Variants in CNGA1 observed in about 807,000 individuals in gnomAD.
CNGA1 encodes the protein cyclic nucleotide gated channel subunit alpha 1, also known as cyclic nucleotide-gated channel alpha-1.
In CNGA1, 53 loss-of-function variants were observed where a neutral mutation model predicts 69.7. The ratio of observed to expected loss-of-function variants is 0.76; its 90% CI spans 0.61 to 0.96. The LOEUF (loss-of-function observed/expected upper bound fraction) is 0.96, where lower values mean the gene tolerates loss of function less well. Ranked by LOEUF, CNGA1 falls within the 40% of genes least tolerant of loss-of-function variation. The probability of loss-of-function intolerance (pLI) is 0.00; values close to 1 mark genes in which losing one functional copy is unlikely to be tolerated. For synonymous variants in CNGA1, 249 were observed against 283.5 expected (o/e 0.88, Z 1.22); for missense variants, 739 against 811.2 (o/e 0.91, Z 1.08).
At chr4:47,984,646 AAAT>A (rs1352263212) in intron 2 of CNGA1, among the ~76,000 whole-genome samples, 9 of 59,420 alleles carry the variant, frequency 1.5e-4, no homozygotes, top group African/African-American at 3.8e-4. Context: ...CAAATAAAAA[AAAT>A]ATATATATAT....
chr4:47,994,117 G>A (rs753111209), intron 2 of CNGA1, among the ~76,000 whole-genome samples: 1 of 152,132 alleles, frequency 6.6e-6, no homozygotes, highest in East Asian at 1.9e-4. Context: ...CTTGGAGAAA[G>A]TTCCATGCAC....
intron 1 of CNGA1, among the ~76,000 whole-genome samples, chr4:48,011,342 G>A (rs1441085763): frequency 3.4e-5 from 5 of 148,698 alleles, no homozygotes; most frequent in Admixed American, 3.3e-4. Context: ...TCCTGGGAGA[G>A]AAAAAAAACA....
intron 3 of CNGA1, among the ~76,000 whole-genome samples, chr4:47,970,650 T>TAA (rs35223454): frequency 0.52 from 73,860 of 140,966 alleles, 20,705 homozygotes; most frequent in Non-Finnish European, 0.64. Context: ...AAAACTCCAT[T>TAA]AAAAAAAAAA....
chr4:47,989,591 C>T (rs1032686534), intron 2 of CNGA1, among the ~76,000 whole-genome samples: 1 of 151,980 alleles, frequency 6.6e-6, no homozygotes, highest in Non-Finnish European at 1.5e-5. Flanking sequence ...TTTGGTCAGT[C>T]TTAAAGATCT....
At chr4:47,977,271 C>T (rs1456329584) in intron 3 of CNGA1, among the ~76,000 whole-genome samples, 3 of 152,060 alleles carry the variant, frequency 2.0e-5, no homozygotes, top group Non-Finnish European at 4.4e-5. Flanking sequence ...GAAACGTGGA[C>T]ATACAAAGAG....
intron 10 of CNGA1, among the ~76,000 whole-genome samples, chr4:47,938,198 A>G (rs536342549): frequency 6.6e-6 from 1 of 151,732 alleles, no homozygotes; most frequent in Non-Finnish European, 1.5e-5. Context: ...AAAAAAAAAG[A>G]AAAAAAGAAA....
In CNGA1 at chr4:47,975,237, C is replaced by A. The variant is rs545295741; in HGVS notation, c.-15+6156G>T. Among the ~76,000 whole-genome samples, 50 of 152,258 alleles carry A rather than the reference C, an allele frequency of 3.3e-4. No individual in the cohort carries two copies. In the South Asian group the frequency reaches 0.01, roughly 32 times the overall value. ...AGGCTCATAAGCCAGCTGTAATTCT[C>A]ATGAAAAACTAAAACAGAGCTGACA... On this transcript the variant is annotated intron_variant, in intron 3 of 10. Coordinates refer to ENST00000514170, the MANE Select transcript of CNGA1 (RefSeq NM_001379270.1).
At chr4:48,011,876 G>T (rs998122780) in intron 1 of CNGA1, among the ~76,000 whole-genome samples, 1 of 152,166 alleles carries the variant, frequency 6.6e-6, no homozygotes, top group Admixed American at 6.5e-5. Flanking sequence ...GGAGACCAAA[G>T]TTCTTTTGAA....
At chr4:47,995,443 G>T (rs1578121626) in intron 2 of CNGA1, among the ~76,000 whole-genome samples, 1 of 152,072 alleles carries the variant, frequency 6.6e-6, no homozygotes, top group African/African-American at 2.4e-5. Context: ...ATGTTGCTGA[G>T]ATTTTCCAGA....
chr4:47,967,193 C>G (rs1227869329), intron 3 of CNGA1, among the ~76,000 whole-genome samples: 1 of 152,114 alleles, frequency 6.6e-6, no homozygotes, highest in African/African-American at 2.4e-5. Flanking sequence ...ATCCCAGCTA[C>G]TTGGAAAGCT....
chr4:47,953,090 T>G (rs962832651), intron 3 of CNGA1, among the ~76,000 whole-genome samples: 1 of 152,210 alleles, frequency 6.6e-6, no homozygotes, highest in East Asian at 1.9e-4. Context: ...ATAGGGATTA[T>G]GGGAGCCGCA....
chr4:48,014,889 T>A (rs1715309268), intron 1 of CNGA1, among the ~76,000 whole-genome samples: 1 of 152,200 alleles, frequency 6.6e-6, no homozygotes. Context: ...GTCTAAGTTT[T>A]GGGCCGGGCT....
At chr4:47,973,695 GGGA>G (rs1560299473) in intron 3 of CNGA1, among the ~76,000 whole-genome samples, 1 of 150,998 alleles carries the variant, frequency 6.6e-6, no homozygotes, top group Non-Finnish European at 1.5e-5. Context: ...AGTTAACTTC[GGGA>G]TGTGTAAAAA....
chr4:47,953,783 C>T (rs934171696), intron 3 of CNGA1, among the ~76,000 whole-genome samples: 6 of 152,112 alleles, frequency 3.9e-5, no homozygotes, highest in Admixed American at 2.6e-4. Flanking sequence ...AGGATCCTCT[C>T]TCCAGTTTGA....
At chr4:47,952,528 A>G in intron 4 of CNGA1, 55 bp downstream of exon 4, 1 of 1,579,282 alleles carries the variant, frequency 6.3e-7, no homozygotes, top group Non-Finnish European at 8.7e-7. Flanking sequence ...AAATCTAGTT[A>G]AATTAAAGAA....
intron 2 of CNGA1, among the ~76,000 whole-genome samples, chr4:47,982,024 G>A (rs1034330734): frequency 6.6e-6 from 1 of 152,120 alleles, no homozygotes; most frequent in Non-Finnish European, 1.5e-5. Flanking sequence ...AAATAAAATA[G>A]GATAAAGCTG....
intron 2 of CNGA1, among the ~76,000 whole-genome samples, chr4:47,983,260 T>A (rs914632947): frequency 1.3e-5 from 2 of 152,212 alleles, no homozygotes; most frequent in Non-Finnish European, 2.9e-5. Context: ...TCCTTTTATA[T>A]CATGCTTCTC....
Position 47,936,759 on chromosome 4 carries a change from CT to C in CNGA1, c.1722del (p.Asp575MetfsTer7), listed in dbSNP as rs1443039086. On this transcript the variant is annotated frameshift_variant, in exon 11 of 11. Coordinates refer to ENST00000514170, the MANE Select transcript of CNGA1 (RefSeq NM_001379270.1). LOFTEE classifies it high-confidence loss of function. ...IGYSDLFCLS[K>X]DDLMEALTEY... Reference sequence around the variant, plus strand: ...TCAGTTAGAGCTTCCATGAGGTCATCTTTTGAGAGACAGAACAGGTCTGAGT... The same window carrying C: ...TCAGTTAGAGCTTCCATGAGGTCATCTTTGAGAGACAGAACAGGTCTGAGT... 1.9e-6 allele frequency: 3 copies of C among 1,614,038 alleles called. No individual in the cohort carries two copies. The Admixed American group carries it at 5.0e-5, about 27-fold the overall frequency.
chr4:47,946,878 A>G (rs10938508), intron 6 of CNGA1, among the ~76,000 whole-genome samples: 129,466 of 152,092 alleles, frequency 0.85, 55,458 homozygotes, highest in East Asian at 0.98. Flanking sequence ...TCTGCCTCCC[A>G]GTTCAAGTGA....
Sources: allele counts gnomAD v4.1 joint callset (sites outside exome capture counted in the v4.1 genomes callset), GRCh38; gene constraint gnomAD v4.1.1; transcripts MANE v1.5; gene names NCBI Gene and HGNC (gene_info 2026-07-23, HGNC 2026-07-21).